The following BMP3 variants were observed in gnomAD, a reference collection of about 807,000 sequenced individuals.
BMP3 encodes the protein bone morphogenetic protein 3 (osteogenic).
In BMP3, 23 loss-of-function variants were observed where a neutral mutation model predicts 38.1. The ratio of observed to expected loss-of-function variants is 0.60; its 90% CI spans 0.43 to 0.86. The LOEUF is 0.86. Among genes scored for constraint, BMP3 ranks in the 40% least tolerant of loss-of-function variants. BMP3 has a pLI of 0.00. For missense variants in BMP3, 628 were observed against 579.6 expected, an observed-to-expected ratio of 1.08 and a Z score of -0.86; for synonymous variants, 258 against 225.7, an observed-to-expected ratio of 1.14 and a Z score of -1.28.
intron 1 of BMP3, among the ~76,000 whole-genome samples, chr4:81,039,490 C>T (rs1296502333): frequency 6.6e-6 from 1 of 152,156 alleles, no homozygotes; most frequent in Non-Finnish European, 1.5e-5. Context: ...TCAGCTACTC[C>T]TGGAGAGGCA....
chr4:81,054,963 T>G lies in BMP3; in HGVS notation c.*1427T>G, dbSNP rs1013602853. 4.6e-5 allele frequency: 7 copies of G among 152,156 alleles called. No individual in the cohort carries two copies. The highest frequency in any genetic ancestry group is 1.4e-4 in the African/African-American group (6 of 41,460). 9.4% of individuals were successfully genotyped at this position (152,156 alleles called of 1,614,324 possible). ...GTGCAGTATCAGAAGACGTGGAGTT[T>G]GTTCTGTCTCTGCCTGTAGCTAATT... On this transcript the variant is annotated 3_prime_UTR_variant, in exon 3 of 3. Transcript: ENST00000282701.
At chr4:81,051,216 ATAT>A (rs1740393542) in intron 2 of BMP3, among the ~76,000 whole-genome samples, 2 of 151,904 alleles carry the variant, frequency 1.3e-5, no homozygotes, top group Admixed American at 6.6e-5. Flanking sequence ...ACACCCATGA[ATAT>A]TATCCATATC....
At chr4:81,033,864 A>G (rs1173733650) in intron 1 of BMP3, among the ~76,000 whole-genome samples, 1 of 152,158 alleles carries the variant, frequency 6.6e-6, no homozygotes, top group African/African-American at 2.4e-5. Context: ...TATGTTTTCC[A>G]GTCCAGAGTT....
chr4:81,034,247 GT>G (rs5859749), intron 1 of BMP3, among the ~76,000 whole-genome samples: 101,848 of 151,576 alleles, frequency 0.67, 39,131 homozygotes, highest in Non-Finnish European at 0.85. Flanking sequence ...GTGCTTGTAA[GT>G]TTTTTTGTCA....
At chr4:81,039,320 T>C (rs1333427269) in intron 1 of BMP3, among the ~76,000 whole-genome samples, 5 of 152,214 alleles carry the variant, frequency 3.3e-5, no homozygotes, top group Admixed American at 3.3e-4. Flanking sequence ...CCCTGCTTCC[T>C]GGGGATTTAG....
intron 1 of BMP3, among the ~76,000 whole-genome samples, chr4:81,043,854 G>T (rs1228235156): frequency 6.6e-6 from 1 of 152,130 alleles, no homozygotes; most frequent in Non-Finnish European, 1.5e-5. Context: ...CTCCCAAAGT[G>T]CTGGCATAAC....
At chr4:81,047,947 G>GAAAAAAAA (rs3042535) in intron 2 of BMP3, among the ~76,000 whole-genome samples, 1 of 91,560 alleles carries the variant, frequency 1.1e-5, no homozygotes, top group African/African-American at 3.9e-5. Context: ...ACTCTGAAGA[G>GAAAAAAAA]AAAAAAAAAA....
At chr4:81,032,991 A>G (rs937696930) in intron 1 of BMP3, among the ~76,000 whole-genome samples, 4 of 152,230 alleles carry the variant, frequency 2.6e-5, no homozygotes, top group Non-Finnish European at 5.9e-5. Context: ...ACAGCTGACT[A>G]CACCAGTGAA....
chr4:81,032,194 CAAAAAA>C lies in BMP3; in HGVS notation c.316+615_316+620del, dbSNP rs5859748. ...ACTTTACTTGATAGTTCCTTAGTGG[CAAAAAA>C]AAAAAAAAAAAAAAAAAAAACAGGT... is the stretch of plus-strand genomic sequence containing the variant. On this transcript the variant is annotated intron_variant, in intron 1 of 2. Transcript: ENST00000282701. 1.1e-3 allele frequency among the ~76,000 whole-genome samples: 81 copies of C among 74,042 alleles called. 1 individual carries two copies. The highest frequency in any genetic ancestry group is 2.6e-3 in the African/African-American group (54 of 20,700). The allele number at this position is 74,042 out of a possible 152,430, so 48.6% of individuals were successfully genotyped here. A position where few individuals can be genotyped will look rare whatever the true frequency, so the allele number is the denominator to read the frequency against.
At position 81,045,990 on chromosome 4, in the gene BMP3, C is replaced by A; in HGVS notation, c.569C>A (p.Ser190Tyr). The change falls in exon 2 of 3, where the codon TCT (serine) becomes TAT (tyrosine). Residue 190 changes from serine to tyrosine, a missense_variant. By Grantham distance (144) the Ser-to-Tyr change is moderately radical (BLOSUM62 -2). Transcript: ENST00000282701. The part of the protein sequence containing the change: ...LGHLSVDMAK[S>Y]HRDIMSWLSK... ...CATCTGTCAGTGGATATGGCCAAAT[C>A]TCATCGAGATATTATGTCCTGGCTG... is the stretch of plus-strand genomic sequence containing the variant. 2 of 1,614,108 alleles carry A rather than the reference C, an allele frequency of 1.2e-6. No homozygotes were observed. Among genetic ancestry groups the A allele is most frequent in the Non-Finnish European group, 1.7e-6 (2 of 1,180,014 alleles).
chr4:81,044,399 C>G (rs2109907867), intron 1 of BMP3, among the ~76,000 whole-genome samples: 1 of 152,268 alleles, frequency 6.6e-6, no homozygotes, highest in South Asian at 2.1e-4. Context: ...GTTTATTACT[C>G]TCTTTTTATT....
At position 81,046,667 on chromosome 4, in the gene BMP3, C is replaced by T; in HGVS notation, c.1227+19C>T. ...GCCAAAGGTAGCCATTGTTCTCTGTCCTGTACTTACTTCCTATTTCCATTA... is the reference window on the plus strand; with the variant it reads ...GCCAAAGGTAGCCATTGTTCTCTGTTCTGTACTTACTTCCTATTTCCATTA... On this transcript the variant is annotated intron_variant, in intron 2 of 2. Coordinates refer to ENST00000282701, the MANE Select transcript of BMP3 (RefSeq NM_001201.5). 1.3e-6 allele frequency: 2 copies of T among 1,581,556 alleles called. No individual in the cohort carries two copies. Among genetic ancestry groups the T allele is most frequent in the Non-Finnish European group, 1.7e-6 (2 of 1,163,342 alleles).
At chr4:81,032,306 G>C (rs2109900159) in intron 1 of BMP3, among the ~76,000 whole-genome samples, 1 of 151,406 alleles carries the variant, frequency 6.6e-6, no homozygotes, top group East Asian at 1.9e-4. Flanking sequence ...GGGAGACAAG[G>C]GGAGGGAGCA....
chr4:81,032,208 A>AAAAAAC (rs1553913119), intron 1 of BMP3, among the ~76,000 whole-genome samples: 1 of 150,414 alleles, frequency 6.6e-6, no homozygotes, highest in Non-Finnish European at 1.5e-5. Flanking sequence ...AAAAAAAAAA[A>AAAAAAC]AAAAAAAAAA....
intron 1 of BMP3, among the ~76,000 whole-genome samples, chr4:81,041,991 T>C (rs1740091816): frequency 6.6e-6 from 1 of 152,140 alleles, no homozygotes; most frequent in Admixed American, 6.6e-5. Context: ...GTGATTATTC[T>C]AGACCACAAC....
At chr4:81,050,232 G>A (rs748781179) in intron 2 of BMP3, among the ~76,000 whole-genome samples, 8 of 152,140 alleles carry the variant, frequency 5.3e-5, no homozygotes, top group Admixed American at 3.3e-4. Flanking sequence ...AATTCAACTC[G>A]AGGACATCAT....
rs2109915991 is a variant in BMP3 at position 81,055,575 on chromosome 4, T to C, written c.*2039T>C. The stretch of plus-strand genomic sequence containing the variant: ...CAGAGTGTGGCCACCATCCTGATCG[T>C]ACTGTTTTTCAATAAAGAAAACTTT... On this transcript the variant is annotated 3_prime_UTR_variant, in exon 3 of 3. Coordinates refer to ENST00000282701, the MANE Select transcript of BMP3 (RefSeq NM_001201.5). 1 of 152,338 alleles carries C rather than the reference T, an allele frequency of 6.6e-6. No individual in the cohort carries two copies. The highest frequency in any genetic ancestry group is 2.4e-5 in the African/African-American group (1 of 41,576). The allele number at this position is 152,338 out of a possible 1,614,324, so 9.4% of individuals were successfully genotyped here. A position where few individuals can be genotyped will look rare whatever the true frequency, so the allele number is the denominator to read the frequency against.
At position 81,046,155 on chromosome 4, in the gene BMP3, A is replaced by G; in HGVS notation, c.734A>G (p.Asn245Ser). The G allele has an allele frequency of 6.2e-7, 1 of 1,614,108 alleles. No individual in the cohort carries two copies. The highest frequency in any genetic ancestry group is 1.1e-5 in the South Asian group (1 of 91,080). Residue 245 changes from asparagine to serine, a missense_variant, in exon 2 of 3, where the codon AAT becomes AGT. Transcript: ENST00000282701. ...FPEPYILVYA[N>S]DAAISEPESV... ...GAGCCTTATATCTTGGTATATGCCA[A>G]TGATGCCGCCATTTCTGAGCCAGAA...
intron 1 of BMP3, among the ~76,000 whole-genome samples, chr4:81,043,280 G>A (rs1740135165): frequency 6.6e-6 from 1 of 152,134 alleles, no homozygotes; most frequent in African/African-American, 2.4e-5. Flanking sequence ...GTGGATCTCG[G>A]TTTATGAGCT....
Sources: gnomAD v4.1 joint callset for allele counts (sites outside exome capture counted in the v4.1 genomes callset) on GRCh38, gnomAD v4.1.1 for gene constraint, MANE v1.5 for transcripts, NCBI Gene and HGNC (gene_info 2026-07-23, HGNC 2026-07-21) for gene names.